The following HEG1 variants were observed in gnomAD, a reference collection of about 807,000 sequenced individuals.
The protein encoded by HEG1 is heart development protein with EGF like domains 1.
A neutral mutation model predicts 125.6 loss-of-function variants in HEG1; 56 were observed. The ratio of observed to expected loss-of-function variants is 0.45; its 90% CI spans 0.36 to 0.56. The LOEUF is 0.56. Ranked by LOEUF, HEG1 falls within the 20% of genes least tolerant of loss-of-function variation. HEG1 has a pLI of 0.00. For synonymous variants in HEG1, 644 were observed against 668.5 expected, an observed-to-expected ratio of 0.96 and a Z score of 0.57; for missense variants, 1,523 against 1,670.0, an observed-to-expected ratio of 0.91 and a Z score of 1.53.
At chr3:125,002,457 C>A (rs1282246476) in intron 9 of HEG1, 142 bp from the exon 10 acceptor site, 2 of 661,774 alleles carry the variant, frequency 3.0e-6, no homozygotes, top group Admixed American at 2.9e-5. Context: ...AAGTGGTGTC[C>A]TTTTTTTGTT....
At chr3:125,000,624 A>C (rs1265195034) in intron 11 of HEG1, among the ~76,000 whole-genome samples, 2 of 151,982 alleles carry the variant, frequency 1.3e-5, no homozygotes, top group East Asian at 3.9e-4. Flanking sequence ...CAGATTAATA[A>C]CTAGCCTTAA....
rs564754487 is a variant in HEG1, at chr3:124,997,276, G to A, written c.3652+413C>T. 3.4e-4 allele frequency among the ~76,000 whole-genome samples: 51 copies of A among 152,180 alleles called. 2 individuals carry two copies. The South Asian group carries it at 9.5e-3, about 28-fold the overall frequency. ...GATACATGATCAGTGAGGCAGAGTC[G>A]GGCTCTGACTCTGGCCTCAGCTGCC... On this transcript the variant is annotated intron_variant, in intron 12 of 16. Transcript: ENST00000311127.
At chr3:124,993,201 G>T (rs539062576) in intron 12 of HEG1, among the ~76,000 whole-genome samples, 1 of 152,200 alleles carries the variant, frequency 6.6e-6, no homozygotes, top group Non-Finnish European at 1.5e-5. Context: ...GCAGGACCCT[G>T]CTGTGTCTCA....
At chr3:124,978,439 G>A (rs538194942) in intron 14 of HEG1, among the ~76,000 whole-genome samples, 5 of 152,240 alleles carry the variant, frequency 3.3e-5, no homozygotes, top group African/African-American at 9.6e-5. Context: ...GAGCCACCGC[G>A]CCCGGCCGAA....
intron 1 of HEG1, among the ~76,000 whole-genome samples, chr3:125,040,790 G>A (rs1329193773): frequency 6.6e-6 from 1 of 152,010 alleles, no homozygotes; most frequent in African/African-American, 2.4e-5. Context: ...AGACTGAAGA[G>A]GGGCAGACTA....
chr3:125,050,587 C>G (rs1937782736), intron 1 of HEG1, among the ~76,000 whole-genome samples: 1 of 152,222 alleles, frequency 6.6e-6, no homozygotes, highest in Non-Finnish European at 1.5e-5. Flanking sequence ...CCACCCTCAC[C>G]ATTCCTTTGG....
At chr3:125,007,969 A>G (rs1937096583) in intron 8 of HEG1, among the ~76,000 whole-genome samples, 1 of 151,448 alleles carries the variant, frequency 6.6e-6, no homozygotes, top group Non-Finnish European at 1.5e-5. Flanking sequence ...GAATGTAGTG[A>G]TACAATCTCG....
chr3:125,042,252 AC>A (rs1015867662), intron 1 of HEG1, among the ~76,000 whole-genome samples: 3 of 152,130 alleles, frequency 2.0e-5, no homozygotes, highest in Non-Finnish European at 4.4e-5. Flanking sequence ...ACATGGCAAA[AC>A]CCTGTCTGTA....
At chr3:124,988,791 C>T (rs184022798) in intron 14 of HEG1, among the ~76,000 whole-genome samples, 29 of 152,302 alleles carry the variant, frequency 1.9e-4, no homozygotes, top group African/African-American at 9.6e-5. Flanking sequence ...GTGGTGCACA[C>T]CTGTTGTCCC....
At chr3:125,047,666 A>C (rs576879868) in intron 1 of HEG1, among the ~76,000 whole-genome samples, 4 of 152,332 alleles carry the variant, frequency 2.6e-5, no homozygotes, top group East Asian at 1.9e-4. Flanking sequence ...CCCGTCCCCA[A>C]GTTGAAGCTG....
At chr3:124,984,354 A>G (rs1936705020) in intron 14 of HEG1, among the ~76,000 whole-genome samples, 1 of 132,772 alleles carries the variant, frequency 7.5e-6, no homozygotes, top group Non-Finnish European at 1.6e-5. Flanking sequence ...GACCTACAAA[A>G]GAGACGTGGC....
At chr3:125,007,044 A>C (rs1169202453) in intron 8 of HEG1, among the ~76,000 whole-genome samples, 1 of 151,544 alleles carries the variant, frequency 6.6e-6, no homozygotes, top group Non-Finnish European at 1.5e-5. Flanking sequence ...CTAAAAATAC[A>C]AAAAATTAGC....
At chr3:124,992,257 C>T (rs767816628) in intron 12 of HEG1, among the ~76,000 whole-genome samples, 3 of 152,180 alleles carry the variant, frequency 2.0e-5, no homozygotes, top group African/African-American at 2.4e-5. Flanking sequence ...GCTCATGGAA[C>T]GCTACTTCAC....
chr3:125,002,017 A>G lies in HEG1; in HGVS notation c.3357-5T>C. The G allele has an allele frequency of 6.2e-7, 1 of 1,613,872 alleles. No homozygotes were observed. Among genetic ancestry groups the G allele is most frequent in the South Asian group, 1.1e-5 (1 of 90,998 alleles). ...ATCACCACCGCGTTGGACTCCCTAT[A>G]GGCAAAGTTTGTGGGTTTTTAACAG... On this transcript the variant is annotated splice_region_variant and splice_polypyrimidine_tract_variant and intron_variant, in intron 10 of 16. Transcript: ENST00000311127.
Position 124,977,889 on chromosome 3 carries a change from A to C in HEG1, c.3791T>G (p.Leu1264Arg), listed in dbSNP as rs771069728. The change falls in exon 15 of 17, where the codon CTA becomes CGA. Residue 1264 changes from leucine to arginine, a missense_variant. Leu to Arg is a moderately radical substitution (Grantham distance 102, BLOSUM62 -2). Coordinates refer to ENST00000311127, the MANE Select transcript of HEG1 (RefSeq NM_020733.2). Reference sequence around the variant, plus strand: ...ACAGGTAACAATCAGTGCGATGCCTAGGATGAGCAGGAGCCCACCTCCCGC... The same window carrying C: ...ACAGGTAACAATCAGTGCGATGCCTCGGATGAGCAGGAGCCCACCTCCCGC... ...AAAGGGLLLI[L>R]GIALIVTCCR... 6 of 1,578,934 alleles carry C rather than the reference A, an allele frequency of 3.8e-6. No individual in the cohort carries two copies. The South Asian group carries it at 7.0e-5, about 18-fold the overall frequency.
At position 124,992,237 on chromosome 3, in the gene HEG1, G is replaced by A. The variant is rs146988143; in HGVS notation, c.3653-1251C>T. 5.9e-5 allele frequency among the ~76,000 whole-genome samples: 9 copies of A among 152,280 alleles called. No individual in the cohort carries two copies. The East Asian group carries it at 1.5e-3, about 26-fold the overall frequency. On this transcript the variant is annotated intron_variant, in intron 12 of 16. Coordinates refer to ENST00000311127, the MANE Select transcript of HEG1 (RefSeq NM_020733.2). ...CCCAAGAACAGAACTTTGAACCCTC[G>A]GGTGGTGCAGCTCATGGAACGCTAC... is the stretch of plus-strand genomic sequence containing the variant.
chr3:124,992,838 T>G (rs1001483900), intron 12 of HEG1, among the ~76,000 whole-genome samples: 1 of 152,244 alleles, frequency 6.6e-6, no homozygotes, highest in Admixed American at 6.5e-5. Flanking sequence ...CAGCAGATAT[T>G]AGAGAGCTGT....
In HEG1 at chr3:124,997,081, TCAA is replaced by T. The variant is rs371711651; in HGVS notation, c.3652+605_3652+607del. On this transcript the variant is annotated intron_variant, in intron 12 of 16. Coordinates refer to ENST00000311127, the MANE Select transcript of HEG1 (RefSeq NM_020733.2). The stretch of plus-strand genomic sequence containing the variant: ...ACCTTTAAAACCAGAACTCATTAAT[TCAA>T]CAACAACCTGGACCAAATACAAGAG... Among the ~76,000 whole-genome samples the T allele has an allele frequency of 1.7e-4, 26 of 152,298 alleles. No individual in the cohort carries two copies. In the East Asian group the frequency reaches 2.3e-3, roughly 14 times the overall value.
In HEG1 at chr3:125,002,282, T is replaced by C. The variant is rs1187043188; in HGVS notation, c.3331A>G (p.Ile1111Val). 9 of 1,613,784 alleles carry C rather than the reference T, an allele frequency of 5.6e-6. No homozygotes were observed. In the East Asian group the frequency reaches 1.1e-4, roughly 20 times the overall value. Residue 1111 changes from isoleucine to valine, a missense_variant, in exon 10 of 17, where the codon ATC becomes GTC. Physicochemically the swap from Ile to Val is conservative, Grantham distance 29 (BLOSUM62 3). Transcript: ENST00000311127. ...CTAGAGGCGTGAACTGTAGATCGGA[T>C]GTAACTAGGTAACGCTGAAAAACAC... ...NMCFSALPSY[I>V]RSTVHASRES...
Sources: gnomAD v4.1 joint callset for allele counts (sites outside exome capture counted in the v4.1 genomes callset) on GRCh38, gnomAD v4.1.1 for gene constraint, MANE v1.5 for transcripts, NCBI Gene and HGNC (gene_info 2026-07-23, HGNC 2026-07-21) for gene names.